OTUD3: variants seen among roughly 807,000 people sequenced by gnomAD.
The protein encoded by OTUD3 is OTU domain-containing protein 3.
A neutral mutation model predicts 46.2 loss-of-function variants in OTUD3; 24 were observed. The observed-to-expected ratio is 0.52, with a 90% CI of 0.38 to 0.73. The LOEUF is 0.73. Among genes scored for constraint, OTUD3 ranks in the 30% least tolerant of loss-of-function variants. The probability of loss-of-function intolerance (pLI) is 0.00; values close to 1 mark genes in which losing one functional copy is unlikely to be tolerated. For synonymous variants in OTUD3, 189 were observed against 195.4 expected, an observed-to-expected ratio of 0.97 and a Z score of 0.27; for missense variants, 455 against 523.3, an observed-to-expected ratio of 0.87 and a Z score of 1.27.
In OTUD3 at chr1:19,909,926, G is replaced by A. The variant is rs2045713117; in HGVS notation, c.*2180G>A. 2 of 152,332 alleles carry A rather than the reference G, an allele frequency of 1.3e-5. No individual in the cohort carries two copies. Among genetic ancestry groups the A allele is most frequent in the Non-Finnish European group, 2.9e-5 (2 of 68,030 alleles). 9.4% of individuals were successfully genotyped at this position (152,332 alleles called of 1,614,324 possible). A position where few individuals can be genotyped will look rare whatever the true frequency, so the allele number is the denominator to read the frequency against. On this transcript the variant is annotated 3_prime_UTR_variant, in exon 8 of 8. Transcript: ENST00000375120. The stretch of plus-strand genomic sequence containing the variant: ...AAACGGCTTTAGTAATTTTACTACT[G>A]GTTTCACAGCTTTTCAGTTACAGTT...
chr1:19,907,461 C>A, intron 7 of OTUD3, 109 bp from the exon 8 acceptor site: 2 of 992,496 alleles, frequency 2.0e-6, no homozygotes, highest in South Asian at 1.6e-5. Context: ...TTGGTTTTCC[C>A]TGTTCCTGCT....
At chr1:19,882,850 C>A (rs1177058459) in intron 1 of OTUD3, 116 bp downstream of exon 1, 3 of 929,274 alleles carry the variant, frequency 3.2e-6, no homozygotes, top group African/African-American at 3.5e-5. Flanking sequence ...GGGCGCCTCC[C>A]GCGAGCCAGC....
intron 1 of OTUD3, among the ~76,000 whole-genome samples, chr1:19,885,975 A>AAC (rs1457915104): frequency 6.6e-6 from 1 of 152,174 alleles, no homozygotes; most frequent in Non-Finnish European, 1.5e-5. Context: ...ATTAACCAAT[A>AAC]TCCTGTAATA....
intron 3 of OTUD3, among the ~76,000 whole-genome samples, chr1:19,894,953 A>G (rs2045497865): frequency 6.6e-6 from 1 of 152,216 alleles, no homozygotes; most frequent in African/African-American, 2.4e-5. Flanking sequence ...AAAAGCTCGT[A>G]AAGAGAAAAA....
At chr1:19,883,165 C>T (rs1571153417) in intron 1 of OTUD3, among the ~76,000 whole-genome samples, 1 of 152,208 alleles carries the variant, frequency 6.6e-6, no homozygotes, top group Admixed American at 6.5e-5. Flanking sequence ...AACGCTTTGC[C>T]TCCTTTGAGT....
At chr1:19,897,963 A>G (rs61769078) in intron 4 of OTUD3, 2 of 173,188 alleles carry the variant, frequency 1.2e-5, no homozygotes, top group East Asian at 1.6e-4. Flanking sequence ...TTTTTTTTTA[A>G]TTGGAGATGG....
intron 4 of OTUD3, among the ~76,000 whole-genome samples, chr1:19,902,353 C>G (rs1052348700): frequency 1.3e-5 from 2 of 152,090 alleles, no homozygotes; most frequent in African/African-American, 4.8e-5. Context: ...CTACAGGGAC[C>G]CACCGCCACG....
At chr1:19,883,872 C>T (rs995219869) in intron 1 of OTUD3, among the ~76,000 whole-genome samples, 4 of 152,202 alleles carry the variant, frequency 2.6e-5, no homozygotes, top group Non-Finnish European at 5.9e-5. Context: ...TGAACTGGTC[C>T]TAATTTCCCT....
At position 19,907,699 on chromosome 1, in the gene OTUD3, A is replaced by G. The variant is rs760734059; in HGVS notation, c.1150A>G (p.Asn384Asp). The G allele has an allele frequency of 1.3e-5, 21 of 1,614,120 alleles. No homozygotes were observed. The highest frequency in any genetic ancestry group is 1.4e-5 in the Non-Finnish European group (17 of 1,180,046). ...CAATAACAGAAGCGAAGCAGAGGCG[A>G]ACACGCAGGTCACCTTGGTGAAGAC... ...RDNNRSEAEA[N>D]TQVTLVKTFA... is the part of the protein sequence containing the mutation. Residue 384 changes from asparagine to aspartate, a missense_variant, in exon 8 of 8, where the codon AAC becomes GAC. Coordinates refer to ENST00000375120, the MANE Select transcript of OTUD3 (RefSeq NM_015207.2).
intron 1 of OTUD3, among the ~76,000 whole-genome samples, chr1:19,887,358 A>G (rs1489844347): frequency 6.6e-6 from 1 of 152,144 alleles, no homozygotes; most frequent in Non-Finnish European, 1.5e-5. Context: ...TGCTGGGATT[A>G]CAGGCATGAG....
intron 1 of OTUD3, among the ~76,000 whole-genome samples, chr1:19,883,200 ATTTACATTTGTGAAATTAGGTCGCCTG>A (rs2045300500): frequency 5.3e-5 from 8 of 152,138 alleles, no homozygotes; most frequent in African/African-American, 1.9e-4. Flanking sequence ...TGGTGCCCCC[ATTTACATTTGTGAAATTAGGTCGCCTG>A]TTTACTGAGC....
At chr1:19,902,248 A>G (rs1243540448) in intron 4 of OTUD3, among the ~76,000 whole-genome samples, 1 of 152,118 alleles carries the variant, frequency 6.6e-6, no homozygotes, top group African/African-American at 2.4e-5. Flanking sequence ...TCTGTCGCCC[A>G]GGCTGGAGTG....
chr1:19,905,132 A>G (rs910681208), intron 6 of OTUD3, 145 bp downstream of exon 6: 10 of 580,470 alleles, frequency 1.7e-5, no homozygotes, highest in Non-Finnish European at 3.1e-5. Context: ...GTACGTAGAC[A>G]TTTTTTACTA....
intron 3 of OTUD3, among the ~76,000 whole-genome samples, chr1:19,895,449 C>T (rs1377377883): frequency 1.3e-5 from 2 of 152,224 alleles, no homozygotes; most frequent in African/African-American, 4.8e-5. Context: ...GCCCCCTCCC[C>T]CAATACCCAG....
rs142250482 is a variant in OTUD3, at chr1:19,904,387, A to G, written c.727A>G (p.Thr243Ala). The G allele has an allele frequency of 7.5e-6, 12 of 1,610,680 alleles. No individual in the cohort carries two copies. The highest frequency in any genetic ancestry group is 1.0e-5 in the Non-Finnish European group (12 of 1,178,962). ...TGCTGTCCAGAAAGTTTGTAATGCA[A>G]CTGGATGTTCAGTTAGTATTTCTGT... ...EDAVQKVCNA[T>A]GCSDFNLIVQ... Residue 243 changes from threonine to alanine, a missense_variant, in exon 5 of 8, where the codon ACT becomes GCT. Thr to Ala is a moderately conservative substitution (Grantham distance 58). Coordinates refer to ENST00000375120, the MANE Select transcript of OTUD3 (RefSeq NM_015207.2).
At chr1:19,905,740 CA>C (rs559598331) in intron 6 of OTUD3, among the ~76,000 whole-genome samples, 3 of 150,958 alleles carry the variant, frequency 2.0e-5, no homozygotes, top group Non-Finnish European at 4.4e-5. Flanking sequence ...GACTCCCTCT[CA>C]AAAAAAAGAG....
intron 1 of OTUD3, among the ~76,000 whole-genome samples, chr1:19,884,718 G>A (rs1012225795): frequency 6.6e-6 from 1 of 152,212 alleles, no homozygotes; most frequent in Admixed American, 6.5e-5. Flanking sequence ...CACTGCACTT[G>A]TGAGAGAATG....
chr1:19,904,557 G>C (rs2100315622), intron 5 of OTUD3, among the ~76,000 whole-genome samples, 159 bp downstream of exon 5: 1 of 152,288 alleles, frequency 6.6e-6, no homozygotes, highest in East Asian at 1.9e-4. Flanking sequence ...CTTAATGAGA[G>C]CTGTTTATTA....
chr1:19,895,345 A>C (rs931618623), intron 3 of OTUD3, among the ~76,000 whole-genome samples: 1 of 152,210 alleles, frequency 6.6e-6, no homozygotes, highest in Non-Finnish European at 1.5e-5. Flanking sequence ...ATGTGTTTTG[A>C]CAAACACAGT....
Sources: allele counts gnomAD v4.1 joint callset (sites outside exome capture counted in the v4.1 genomes callset), GRCh38; gene constraint gnomAD v4.1.1; transcripts MANE v1.5; gene names NCBI Gene and HGNC (gene_info 2026-07-23, HGNC 2026-07-21).